Variants in KHDRBS3 observed in about 807,000 individuals in gnomAD.
KHDRBS3 encodes KH RNA binding domain containing, signal transduction associated 3, also known as KH domain-containing, RNA-binding, signal transduction-associated protein 3.
KHDRBS3 carries 23 observed loss-of-function variants against 45.6 expected under a neutral mutation model. That is an observed-to-expected ratio of 0.50 (90% confidence interval 0.36 to 0.72). The LOEUF is 0.72. Among genes scored for constraint, KHDRBS3 ranks in the 30% least tolerant of loss-of-function variants. The pLI is 0.00. For synonymous variants in KHDRBS3, 162 were observed against 156.5 expected, an observed-to-expected ratio of 1.04 and a Z score of -0.26; for missense variants, 352 against 424.8, an observed-to-expected ratio of 0.83 and a Z score of 1.51.
Position 135,581,978 on chromosome 8 carries a change from G to A in KHDRBS3, c.712G>A (p.Gly238Arg). The change falls in exon 6 of 9, where the codon GGA becomes AGA. Residue 238 changes from glycine to arginine, a missense_variant. Physicochemically the swap from Gly to Arg is moderately radical, Grantham distance 125 (BLOSUM62 -2). Coordinates refer to ENST00000355849, the MANE Select transcript of KHDRBS3 (RefSeq NM_006558.3). ...GTCCACCCGAGGGCCAGTGAGTCGG[G>A]GAAGAGGACTTCTCACTCCCAGAGC... Reference protein sequence around the residue: ...VLSTRGPVSRGRGLLTPRARG... With the variant: ...VLSTRGPVSRRRGLLTPRARG... The A allele has an allele frequency of 6.8e-6, 11 of 1,613,404 alleles. No individual in the cohort carries two copies. The highest frequency in any genetic ancestry group is 9.3e-6 in the Non-Finnish European group (11 of 1,179,692).
At chr8:135,652,129 T>C (rs765251286), downstream of KHDRBS3, among the ~76,000 whole-genome samples, 17 of 152,246 alleles carry the variant, frequency 1.1e-4, no homozygotes, top group Non-Finnish European at 2.2e-4. Context: ...CAGTGTTTTG[T>C]AGGGACAGAA....
At chr8:135,634,360 T>C (rs1472866860) in intron 7 of KHDRBS3, among the ~76,000 whole-genome samples, 1 of 152,208 alleles carries the variant, frequency 6.6e-6, no homozygotes, top group Non-Finnish European at 1.5e-5. Flanking sequence ...CTCTGAAAGC[T>C]CTATAATTTA....
chr8:135,573,499 A>T (rs2130893689), intron 5 of KHDRBS3, among the ~76,000 whole-genome samples: 1 of 152,294 alleles, frequency 6.6e-6, no homozygotes, highest in African/African-American at 2.4e-5. Flanking sequence ...TAGGCTATGC[A>T]CTTTACATAC....
At chr8:135,576,730 A>G (rs1008669263) in intron 5 of KHDRBS3, among the ~76,000 whole-genome samples, 2 of 152,210 alleles carry the variant, frequency 1.3e-5, no homozygotes, top group African/African-American at 4.8e-5. Flanking sequence ...AACCAAGGTC[A>G]GGCTGCTGGC....
intron 4 of KHDRBS3, among the ~76,000 whole-genome samples, chr8:135,654,105 A>G (rs1389806623): frequency 6.6e-6 from 1 of 152,198 alleles, no homozygotes; most frequent in Non-Finnish European, 1.5e-5. Context: ...TACATAGAAA[A>G]CAATATACCA....
intron 5 of KHDRBS3, among the ~76,000 whole-genome samples, chr8:135,572,130 A>T (rs1416228771): frequency 6.6e-6 from 1 of 152,200 alleles, no homozygotes; most frequent in Non-Finnish European, 1.5e-5. Context: ...TAGTTCCAAA[A>T]GGCAGTAGAG....
At chr8:135,527,269 G>A (rs747703825) in intron 2 of KHDRBS3, among the ~76,000 whole-genome samples, 3 of 152,128 alleles carry the variant, frequency 2.0e-5, no homozygotes, top group Non-Finnish European at 4.4e-5. Flanking sequence ...AATAATACAG[G>A]TTGCCCTGAA....
intron 1 of KHDRBS3, among the ~76,000 whole-genome samples, chr8:135,509,729 T>A (rs1363452497): frequency 1.3e-5 from 2 of 152,188 alleles, no homozygotes; most frequent in African/African-American, 4.8e-5. Flanking sequence ...TGCCTTTCAT[T>A]TTGTGAATGA....
intron 2 of KHDRBS3, among the ~76,000 whole-genome samples, chr8:135,524,653 A>G (rs369629702): frequency 1.7e-4 from 25 of 149,324 alleles, no homozygotes; most frequent in South Asian, 6.3e-4. Flanking sequence ...TCAGTTACAC[A>G]TATTTCAGCC....
Position 135,647,369 on chromosome 8 carries a change from A to G in KHDRBS3, c.*285A>G. 4.4e-6 allele frequency: 1 copy of G among 225,486 alleles called. No homozygotes were observed. Among genetic ancestry groups the G allele is most frequent in the South Asian group, 1.7e-4 (1 of 5,982 alleles). The allele number at this position is 225,486 out of a possible 1,614,324, so 14.0% of individuals were successfully genotyped here. A position where few individuals can be genotyped will look rare whatever the true frequency, so the allele number is the denominator to read the frequency against. On this transcript the variant is annotated 3_prime_UTR_variant, in exon 9 of 9. Coordinates refer to ENST00000355849, the MANE Select transcript of KHDRBS3 (RefSeq NM_006558.3). ...GTTAAACAAAAAATAGGTTTACTAA[A>G]TATGTTAATCTATTCTTTTAACATA...
At chr8:135,610,397 C>T (rs758840239) in intron 7 of KHDRBS3, among the ~76,000 whole-genome samples, 17 of 151,830 alleles carry the variant, frequency 1.1e-4, no homozygotes, top group Non-Finnish European at 2.4e-4. Context: ...CTACTTGAAG[C>T]TCTGATTATA....
chr8:135,513,814 A>G (rs930017201), intron 1 of KHDRBS3, among the ~76,000 whole-genome samples: 1 of 152,090 alleles, frequency 6.6e-6, no homozygotes, highest in African/African-American at 2.4e-5. Context: ...TGATTTAATC[A>G]TCTTAGGCTT....
intron 5 of KHDRBS3, among the ~76,000 whole-genome samples, chr8:135,569,262 T>G (rs1827579717): frequency 6.6e-6 from 1 of 152,220 alleles, no homozygotes; most frequent in African/African-American, 2.4e-5. Context: ...TGTATGTAAT[T>G]CTGACGTGCA....
At chr8:135,536,262 T>TTTTTTTTTTTTTTTTA (rs1491256544) in intron 2 of KHDRBS3, among the ~76,000 whole-genome samples, 3 of 98,846 alleles carry the variant, frequency 3.0e-5, no homozygotes, top group African/African-American at 1.0e-4. Context: ...TTTTTTTTTT[T>TTTTTTTTTTTTTTTTA]ATTATTGTTT....
intron 7 of KHDRBS3, among the ~76,000 whole-genome samples, chr8:135,613,755 G>A (rs1829799919): frequency 1.3e-5 from 2 of 151,570 alleles, no homozygotes; most frequent in South Asian, 4.2e-4. Flanking sequence ...CTGAGAGTCG[G>A]TAAGGTCAAC....
At chr8:135,558,264 A>C (rs745665274) in intron 5 of KHDRBS3, among the ~76,000 whole-genome samples, 1 of 152,134 alleles carries the variant, frequency 6.6e-6, no homozygotes, top group Non-Finnish European at 1.5e-5. Context: ...ATTGGTGATT[A>C]ATGTTAATGG....
intron 1 of KHDRBS3, among the ~76,000 whole-genome samples, chr8:135,468,468 G>T (rs146000093): frequency 6.6e-6 from 1 of 152,110 alleles, no homozygotes; most frequent in African/African-American, 2.4e-5. Context: ...GAAACTCTAC[G>T]CCTAGGGACA....
In KHDRBS3 at chr8:135,521,363, A is replaced by G. The variant is rs1321880773; in HGVS notation, c.207+8A>G. 1.4e-6 allele frequency: 2 copies of G among 1,458,810 alleles called. No homozygotes were observed. Among genetic ancestry groups the G allele is most frequent in the African/African-American group, 1.4e-5 (1 of 71,796 alleles). The allele number at this position is 1,458,810 out of a possible 1,614,324, so 90.4% of individuals were successfully genotyped here. ...GTAAAACAGTTCCCTAAGGTAAGAC[A>G]GTGAGGTCTACACTGCAGGTATTTT... On this transcript the variant is annotated splice_region_variant and intron_variant, in intron 2 of 8. Transcript: ENST00000355849.
intron 5 of KHDRBS3, among the ~76,000 whole-genome samples, chr8:135,573,946 A>G (rs1827828644): frequency 6.6e-6 from 1 of 151,838 alleles, no homozygotes; most frequent in Non-Finnish European, 1.5e-5. Flanking sequence ...CTTCTGTTAC[A>G]CTCAGTTTGT....
Sources: allele counts gnomAD v4.1 joint callset (sites outside exome capture counted in the v4.1 genomes callset), GRCh38; gene constraint gnomAD v4.1.1; transcripts MANE v1.5; gene names NCBI Gene and HGNC (gene_info 2026-07-23, HGNC 2026-07-21).